ARHGAP26: variants seen among roughly 807,000 people sequenced by gnomAD.
The protein encoded by ARHGAP26 is Rho GTPase activating protein 26.
In ARHGAP26, 38 loss-of-function variants were observed where a neutral mutation model predicts 104.8. The ratio of observed to expected loss-of-function variants is 0.36; its 90% CI spans 0.28 to 0.48. The LOEUF is 0.48. Among genes scored for constraint, ARHGAP26 ranks in the 20% least tolerant of loss-of-function variants. The probability of loss-of-function intolerance (pLI) is 0.99; values close to 1 mark genes in which losing one functional copy is unlikely to be tolerated. For synonymous variants in ARHGAP26, 341 were observed against 340.0 expected (o/e 1.00, Z -0.03); for missense variants, 704 against 947.9 (o/e 0.74, Z 3.38).
intron 4 of ARHGAP26, among the ~76,000 whole-genome samples, chr5:142,880,282 G>T (rs1443384897): frequency 6.6e-6 from 1 of 152,198 alleles, no homozygotes; most frequent in African/African-American, 2.4e-5. Context: ...CACTTTGGGA[G>T]GCCTAGGTGG....
At chr5:142,923,327 C>A (rs1373345164) in intron 10 of ARHGAP26, among the ~76,000 whole-genome samples, 1 of 151,706 alleles carries the variant, frequency 6.6e-6, no homozygotes, top group Non-Finnish European at 1.5e-5. Context: ...CAAAAATGAG[C>A]TATTATGTAA....
chr5:143,063,030 GCTC>G (rs1786958265), intron 17 of ARHGAP26, among the ~76,000 whole-genome samples: 1 of 152,066 alleles, frequency 6.6e-6, no homozygotes, highest in Non-Finnish European at 1.5e-5. Flanking sequence ...ATACACCCTG[GCTC>G]CGGAACCTTT....
chr5:143,073,800 G>A (rs922968928), intron 17 of ARHGAP26, among the ~76,000 whole-genome samples: 1 of 152,196 alleles, frequency 6.6e-6, no homozygotes, highest in Non-Finnish European at 1.5e-5. Context: ...TGAAATAACT[G>A]TGTGTGCTAT....
chr5:143,106,725 G>A (rs899078000), intron 17 of ARHGAP26, among the ~76,000 whole-genome samples: 7 of 152,148 alleles, frequency 4.6e-5, no homozygotes, highest in South Asian at 4.1e-4. Flanking sequence ...CACCCACCTC[G>A]GCCTTCCAAA....
At chr5:142,795,373 C>G (rs984491647) in intron 1 of ARHGAP26, among the ~76,000 whole-genome samples, 2 of 151,388 alleles carry the variant, frequency 1.3e-5, no homozygotes, top group African/African-American at 4.9e-5. Flanking sequence ...ACAGCATGCT[C>G]TAGGGAAGAA....
At chr5:142,899,991 A>G (rs770246571) in intron 6 of ARHGAP26, among the ~76,000 whole-genome samples, 5 of 152,204 alleles carry the variant, frequency 3.3e-5, no homozygotes, top group Non-Finnish European at 7.3e-5. Flanking sequence ...CATAGTTAAT[A>G]GGAGGAATGA....
At chr5:142,925,394 C>A (rs1464524634) in intron 10 of ARHGAP26, among the ~76,000 whole-genome samples, 2 of 152,150 alleles carry the variant, frequency 1.3e-5, no homozygotes, top group Non-Finnish European at 2.9e-5. Flanking sequence ...TAAAGAATTT[C>A]TTATCCAGTT....
intron 21 of ARHGAP26, among the ~76,000 whole-genome samples, chr5:143,212,166 C>T (rs779355513): frequency 6.6e-6 from 1 of 152,148 alleles, no homozygotes; most frequent in African/African-American, 2.4e-5. Context: ...TCTGCCCTGT[C>T]CTCAAGAGGC....
At chr5:142,970,596 T>C (rs1772120445) in intron 11 of ARHGAP26, among the ~76,000 whole-genome samples, 3 of 152,218 alleles carry the variant, frequency 2.0e-5, no homozygotes, top group Non-Finnish European at 4.4e-5. Flanking sequence ...TGCCCATTCC[T>C]AAGCCAATCA....
intron 1 of ARHGAP26, among the ~76,000 whole-genome samples, chr5:142,776,571 A>T (rs1756369057): frequency 6.6e-6 from 1 of 152,192 alleles, no homozygotes; most frequent in African/African-American, 2.4e-5. Context: ...AGCATGTATC[A>T]GTAGTTTGTT....
chr5:143,213,494 A>ACAT (rs1219107521), intron 21 of ARHGAP26, among the ~76,000 whole-genome samples: 1 of 152,204 alleles, frequency 6.6e-6, no homozygotes, highest in African/African-American at 2.4e-5. Context: ...GAAATCAGGA[A>ACAT]CATCTGGGAG....
intron 14 of ARHGAP26, among the ~76,000 whole-genome samples, chr5:143,046,774 C>T (rs908451232): frequency 2.6e-4 from 40 of 152,136 alleles, no homozygotes; most frequent in African/African-American, 8.0e-4. Flanking sequence ...CCTGTCTCTC[C>T]GTACATATTT....
intron 19 of ARHGAP26, among the ~76,000 whole-genome samples, chr5:143,140,543 C>T (rs909866162): frequency 3.3e-5 from 5 of 152,148 alleles, no homozygotes; most frequent in African/African-American, 1.2e-4. Context: ...ATGTTAGCTA[C>T]AATTATGATG....
At chr5:143,003,838 A>G (rs769205327) in intron 11 of ARHGAP26, among the ~76,000 whole-genome samples, 4 of 152,176 alleles carry the variant, frequency 2.6e-5, no homozygotes, top group Non-Finnish European at 5.9e-5. Context: ...TTGAATGATT[A>G]TCTAAGGGCG....
rs145054435 is a variant in ARHGAP26 at position 143,220,785 on chromosome 5, C to G, written c.2192-1573C>G. Among the ~76,000 whole-genome samples the G allele has an allele frequency of 1.2e-3, 176 of 152,330 alleles. 1 individual carries two copies. Among genetic ancestry groups the G allele is most frequent in the African/African-American group, 3.7e-3 (153 of 41,570 alleles). ...TTAACCTTGTCTTTTCCTAAGGAGG[C>G]ACTCAAGGTGTACCCAAAGTTGACT... is the stretch of plus-strand genomic sequence containing the variant. On this transcript the variant is annotated intron_variant, in intron 22 of 22. Transcript: ENST00000645722.
intron 12 of ARHGAP26, among the ~76,000 whole-genome samples, chr5:143,035,820 C>G (rs576581099): frequency 3.2e-4 from 49 of 151,440 alleles, no homozygotes; most frequent in Non-Finnish European, 6.5e-4. Flanking sequence ...CCTGTAATCC[C>G]AGCTACTAGA....
chr5:143,103,190 C>G, intron 17 of ARHGAP26: 1 of 978,456 alleles, frequency 1.0e-6, no homozygotes, highest in Non-Finnish European at 1.2e-6. Flanking sequence ...TTGCTGCAGA[C>G]TAATTGTGCC....
At chr5:142,989,444 G>A (rs547375101) in intron 11 of ARHGAP26, among the ~76,000 whole-genome samples, 1 of 152,266 alleles carries the variant, frequency 6.6e-6, no homozygotes, top group Admixed American at 6.5e-5. Flanking sequence ...GCAAGTCTGT[G>A]TCTTTTAATT....
chr5:143,147,504 C>T (rs1799311620), intron 20 of ARHGAP26, 123 bp downstream of exon 20: 3 of 1,186,282 alleles, frequency 2.5e-6, no homozygotes, highest in Admixed American at 2.9e-5. Context: ...AAACCTCCTC[C>T]CTAAACTGGG....
Sources: allele counts gnomAD v4.1 joint callset (sites outside exome capture counted in the v4.1 genomes callset), GRCh38; gene constraint gnomAD v4.1.1; transcripts MANE v1.5; gene names NCBI Gene and HGNC (gene_info 2026-07-23, HGNC 2026-07-21).